ZBED6: variants seen among roughly 807,000 people sequenced by gnomAD.
ZBED6 encodes the protein zinc finger BED-type containing 6.
A neutral mutation model predicts 58.4 loss-of-function variants in ZBED6; 40 were observed. The observed-to-expected ratio is 0.68, with a 90% CI of 0.53 to 0.89. ZBED6 has a LOEUF of 0.89. Ranked by LOEUF, ZBED6 falls within the 40% of genes least tolerant of loss-of-function variation. The pLI is 0.00. For missense variants in ZBED6, 1,057 were observed against 1,003.9 expected, an observed-to-expected ratio of 1.05 and a Z score of -0.71; for synonymous variants, 439 against 350.6, an observed-to-expected ratio of 1.25 and a Z score of -2.82.
exon 1 of ZBED6, chr1:203,797,334 G>T (rs1464364278): frequency 3.8e-6 from 2 of 523,170 alleles, no homozygotes; most frequent in East Asian, 3.3e-5. Flanking sequence ...AAGAGTTCGG[G>T]AATGTTCTCC....
chr1:203,853,205 T>G (rs1219592932), exon 17 of ZBED6: 1 of 152,530 alleles, frequency 6.6e-6, no homozygotes, highest in African/African-American at 2.4e-5. Context: ...GCCTCCTTGC[T>G]GGCATTGAAT....
exon 1 of ZBED6, chr1:203,800,462 A>T: frequency 6.8e-7 from 1 of 1,480,500 alleles, no homozygotes; most frequent in East Asian, 2.5e-5. Flanking sequence ...TACTGCCTTA[A>T]TTTCTTTTTC....
At chr1:203,809,740 G>A (rs1553260155) in intron 1 of ZBED6, among the ~76,000 whole-genome samples, 1 of 152,058 alleles carries the variant, frequency 6.6e-6, no homozygotes, top group Non-Finnish European at 1.5e-5. Flanking sequence ...GATCACTTGA[G>A]GTCAGGAGTT....
intron 5 of ZBED6, 53 bp downstream of exon 5, chr1:203,829,707 A>G: frequency 6.2e-7 from 1 of 1,612,486 alleles, no homozygotes; most frequent in Non-Finnish European, 8.5e-7. Flanking sequence ...TCTCATAGTG[A>G]ATTGGGCAGA....
At chr1:203,802,795 G>T (rs902490697) in exon 1 of ZBED6, 1 of 151,138 alleles carries the variant, frequency 6.6e-6, no homozygotes. Context: ...GTCTGACAAA[G>T]GTTATTTGAA....
intron 1 of ZBED6, among the ~76,000 whole-genome samples, chr1:203,811,454 C>T (rs12401945): frequency 0.079 from 12,042 of 152,098 alleles, 1,255 homozygotes; most frequent in East Asian, 0.4. Context: ...CAAATATGTT[C>T]TTTGGAATAT....
chr1:203,840,995 A>G (rs1685946598), intron 11 of ZBED6, among the ~76,000 whole-genome samples: 1 of 152,190 alleles, frequency 6.6e-6, no homozygotes, highest in East Asian at 1.9e-4. Flanking sequence ...TAAAATTATG[A>G]TAGTTATGTG....
rs1292335554 is a variant in ZBED6 at position 203,825,091 on chromosome 1, A to AG, written c.*2874-3208_*2874-3207insG. On this transcript the variant is annotated intron_variant, in intron 3 of 16. Transcript: ENST00000550078. ...GACTCCGTCTCAAAAAAAAAAAAAA[A>AG]AAAAGAAAATAGATGTTAGATAAGC... Among the ~76,000 whole-genome samples the AG allele has an allele frequency of 5.2e-3, 787 of 151,694 alleles. 4 individuals are homozygous for AG. Among genetic ancestry groups the AG allele is most frequent in the African/African-American group, 0.015 (608 of 41,376 alleles).
exon 1 of ZBED6, chr1:203,797,816 C>T (rs1016099262): frequency 1.8e-5 from 27 of 1,535,930 alleles, no homozygotes; most frequent in Non-Finnish European, 2.3e-5. Context: ...TTGCAGATGC[C>T]CCTGCTTTGT....
intron 3 of ZBED6, among the ~76,000 whole-genome samples, chr1:203,822,019 A>T (rs1442764779): frequency 2.0e-5 from 3 of 152,092 alleles, no homozygotes; most frequent in South Asian, 4.1e-4. Context: ...GGCCTCCCAA[A>T]GTCCTGGGAT....
intron 11 of ZBED6, among the ~76,000 whole-genome samples, chr1:203,846,871 G>T (rs919162167): frequency 7.2e-5 from 11 of 152,106 alleles, no homozygotes; most frequent in Middle Eastern, 3.2e-3. Context: ...GGGCTTGGTG[G>T]TGGGTACCTG....
At chr1:203,817,159 C>T (rs757899063) in intron 2 of ZBED6, 35 bp downstream of exon 2, 2 of 1,536,276 alleles carry the variant, frequency 1.3e-6, no homozygotes, top group African/African-American at 1.4e-5. Context: ...GTTCTTTCTA[C>T]AATTTGCTTA....
At chr1:203,838,982 A>AAGGTTAT (rs1685244814) in intron 10 of ZBED6, among the ~76,000 whole-genome samples, 1 of 151,736 alleles carries the variant, frequency 6.6e-6, no homozygotes, top group Non-Finnish European at 1.5e-5. Flanking sequence ...AAAAGAAAGA[A>AAGGTTAT]AGAAAGGTTA....
At chr1:203,850,387 G>T in intron 14 of ZBED6, 128 bp from the exon 15 acceptor site, 5 of 1,413,422 alleles carry the variant, frequency 3.5e-6, no homozygotes, top group Non-Finnish European at 5.0e-6. Flanking sequence ...ATCGTTTTCA[G>T]TCTCTTTTTA....
At chr1:203,848,703 C>T (rs1381479416) in intron 13 of ZBED6, among the ~76,000 whole-genome samples, 3 of 152,114 alleles carry the variant, frequency 2.0e-5, no homozygotes, top group African/African-American at 4.8e-5. Context: ...CTGGCTAACA[C>T]GGTGAAACCC....
At chr1:203,806,570 T>C (rs1167982945) in intron 1 of ZBED6, among the ~76,000 whole-genome samples, 1 of 152,200 alleles carries the variant, frequency 6.6e-6, no homozygotes, top group Non-Finnish European at 1.5e-5. Flanking sequence ...CCCAAAGTGC[T>C]GGGATTATAG....
chr1:203,839,227 T>A (rs1479049647), intron 10 of ZBED6, among the ~76,000 whole-genome samples: 1 of 152,196 alleles, frequency 6.6e-6, no homozygotes, highest in Non-Finnish European at 1.5e-5. Context: ...TTTGTTTGTT[T>A]AAAGACAAGG....
exon 17 of ZBED6, chr1:203,852,267 C>T (rs756007804): frequency 6.2e-6 from 10 of 1,613,580 alleles, no homozygotes; most frequent in Middle Eastern, 1.6e-4. Flanking sequence ...AGCCCCCACT[C>T]TCTGTGGAGG....
rs573038547 is a variant in ZBED6 at position 203,817,581 on chromosome 1, A to C, written c.*2753+457A>C. Among the ~76,000 whole-genome samples, 173 of 152,194 alleles carry C rather than the reference A, an allele frequency of 1.1e-3. 1 individual carries two copies. The highest frequency in any genetic ancestry group is 4.0e-3 in the African/African-American group (167 of 41,568). ...TGAGTACTAAGAATATAGAGTCATC[A>C]TACTAAATATGCTTTTGCAGTTTTT... On this transcript the variant is annotated intron_variant, in intron 2 of 16. Coordinates refer to ENST00000550078, the Ensembl canonical transcript of ZBED6.
Sources: allele counts gnomAD v4.1 joint callset (sites outside exome capture counted in the v4.1 genomes callset), GRCh38; gene constraint gnomAD v4.1.1; transcripts MANE v1.5; gene names NCBI Gene and HGNC (gene_info 2026-07-23, HGNC 2026-07-21).